The following GEMIN5 variants were observed in gnomAD, a reference collection of about 807,000 sequenced individuals.
GEMIN5 encodes gem nuclear organelle associated protein 5, also known as gem-associated protein 5.
In GEMIN5, 124 loss-of-function variants were observed where a neutral mutation model predicts 176.9. That is an observed-to-expected ratio of 0.70 (90% CI 0.61 to 0.81). The LOEUF (loss-of-function observed/expected upper bound fraction) is 0.81. Among genes scored for constraint, GEMIN5 ranks in the 40% least tolerant of loss-of-function variants. The probability of loss-of-function intolerance (pLI) is 0.00; values close to 1 mark genes in which losing one functional copy is unlikely to be tolerated. For synonymous variants in GEMIN5, 673 were observed against 665.2 expected, an observed-to-expected ratio of 1.01 and a Z score of -0.18; for missense variants, 1,843 against 1,814.6, an observed-to-expected ratio of 1.02 and a Z score of -0.28.
chr5:154,904,551 A>G lies in GEMIN5; in HGVS notation c.2588T>C (p.Leu863Pro), dbSNP rs142030424. 4 of 1,613,024 alleles carry G rather than the reference A, an allele frequency of 2.5e-6. No homozygotes were observed. Among genetic ancestry groups the G allele is most frequent in the Non-Finnish European group, 3.4e-6 (4 of 1,179,092 alleles). Residue 863 changes from leucine to proline, a missense_variant, in exon 18 of 28, where the codon CTT becomes CCT. Transcript: ENST00000285873. ...TSLDHRSKEELHQDCLVLATA... is the reference protein window; with the variant it reads ...TSLDHRSKEEPHQDCLVLATA... ...TGCTAGTACCAAACAGTCCTGATGA[A>G]GCTCCTCTTTGGATCTGTGGTCCAG... is the stretch of plus-strand genomic sequence containing the variant.
At chr5:154,894,688 C>T (rs1449840868) in intron 24 of GEMIN5, among the ~76,000 whole-genome samples, 1 of 151,572 alleles carries the variant, frequency 6.6e-6, no homozygotes, top group Non-Finnish European at 1.5e-5. Context: ...GGGCAAATCA[C>T]GAGGTCAGGA....
Position 154,905,385 on chromosome 5 carries a change from CT to C in GEMIN5, c.2486del (p.Lys829ArgfsTer11). 8.1e-6 allele frequency: 13 copies of C among 1,599,010 alleles called. No individual in the cohort carries two copies. The highest frequency in any genetic ancestry group is 1.7e-4 in the Middle Eastern group (1 of 5,998). ...AACCTGGCTTCTCTTTTGGTGGCTC[CT>C]TTTTCAGTAAAATGACTTTGTTATT... ...TINNKVILLK[K>X]EPPKEKPETL... On this transcript the variant is annotated frameshift_variant, in exon 17 of 28. Coordinates refer to ENST00000285873, the MANE Select transcript of GEMIN5 (RefSeq NM_015465.5). LOFTEE classifies it high-confidence loss of function.
intron 18 of GEMIN5, among the ~76,000 whole-genome samples, chr5:154,904,174 T>C (rs999753440): frequency 1.8e-4 from 28 of 151,984 alleles, no homozygotes; most frequent in African/African-American, 6.5e-4. Flanking sequence ...TACTGTTCAA[T>C]GGGGAAAAGA....
At chr5:154,936,684 G>A (rs1764276286) in intron 2 of GEMIN5, among the ~76,000 whole-genome samples, 1 of 152,126 alleles carries the variant, frequency 6.6e-6, no homozygotes, top group African/African-American at 2.4e-5. Flanking sequence ...AATAACCAGA[G>A]GGTAATTGTT....
chr5:154,910,622 T>C (rs1487969595), intron 15 of GEMIN5, among the ~76,000 whole-genome samples: 1 of 152,196 alleles, frequency 6.6e-6, no homozygotes, highest in African/African-American at 2.4e-5. Context: ...ATATATTTTG[T>C]CTAGCTTTCT....
At chr5:154,922,416 G>A (rs1338868069) in intron 9 of GEMIN5, among the ~76,000 whole-genome samples, 1 of 151,794 alleles carries the variant, frequency 6.6e-6, no homozygotes, top group Non-Finnish European at 1.5e-5. Flanking sequence ...ATCTGCCCGC[G>A]TCGGCCTCCC....
chr5:154,903,493 A>G (rs913750163), intron 18 of GEMIN5, among the ~76,000 whole-genome samples: 7 of 152,222 alleles, frequency 4.6e-5, no homozygotes, highest in Admixed American at 1.3e-4. Context: ...TTCAAAAAAA[A>G]AGTCAACTGA....
At chr5:154,915,875 T>C (rs1763799394) in intron 13 of GEMIN5, among the ~76,000 whole-genome samples, 1 of 151,232 alleles carries the variant, frequency 6.6e-6, no homozygotes, top group African/African-American at 2.4e-5. Context: ...ATTCCACTTC[T>C]AGAATTTTCT....
chr5:154,910,057 A>G (rs1179441479), intron 15 of GEMIN5, among the ~76,000 whole-genome samples: 1 of 151,604 alleles, frequency 6.6e-6, no homozygotes. Context: ...TCTGCTTGGC[A>G]TAATGTTTTT....
Position 154,898,657 on chromosome 5 carries a change from T to C in GEMIN5, c.3135-7A>G. 3.1e-6 allele frequency: 5 copies of C among 1,592,526 alleles called. No individual in the cohort carries two copies. The highest frequency in any genetic ancestry group is 4.3e-6 in the Non-Finnish European group (5 of 1,160,328). ...ACAAGTGGCCCCTAAATAGCTATAA[T>C]ATGAATAAAAATGTGAAGAAAATGT... On this transcript the variant is annotated splice_region_variant and splice_polypyrimidine_tract_variant and intron_variant, in intron 22 of 27. Coordinates refer to ENST00000285873, the MANE Select transcript of GEMIN5 (RefSeq NM_015465.5).
At chr5:154,914,509 CTTTTTTTT>C (rs66537820) in intron 13 of GEMIN5, among the ~76,000 whole-genome samples, 4 of 136,236 alleles carry the variant, frequency 2.9e-5, no homozygotes, top group Admixed American at 1.5e-4. Flanking sequence ...CACTATTTTA[CTTTTTTTT>C]TTTTTTTTTT....
chr5:154,891,655 C>G lies in GEMIN5; in HGVS notation c.3848G>C (p.Gly1283Ala). 1.2e-6 allele frequency: 2 copies of G among 1,612,874 alleles called. No homozygotes were observed. The highest frequency in any genetic ancestry group is 1.7e-6 in the Non-Finnish European group (2 of 1,179,754). ...FKSLEAFFLY[G>A]RLYEFWWSLS... ...AGACCACCAGAATTCATACAGACGCCCATAAAGAAAAAAGGCCTCCAAACT... is the reference window on the plus strand; with the variant it reads ...AGACCACCAGAATTCATACAGACGCGCATAAAGAAAAAAGGCCTCCAAACT... The change falls in exon 26 of 28, where the codon GGG becomes GCG. Residue 1283 changes from glycine to alanine, a missense_variant. Transcript: ENST00000285873.
Position 154,889,393 on chromosome 5 carries a change from A to C in GEMIN5, c.4287T>G (p.Leu1429=). Residue 1429 remains leucine, a synonymous_variant, in exon 27 of 28, where the codon CTT becomes CTG. Transcript: ENST00000285873. ...SQCKEEKNEP[L]SLPELTKRLT... is the part of the protein sequence containing the mutation. Reference sequence around the variant, plus strand: ...GCCTTTTGGTTAACTCAGGCAGAGAAAGTGGCTCATTTTTTTCTTCTTTAC... The same window carrying C: ...GCCTTTTGGTTAACTCAGGCAGAGACAGTGGCTCATTTTTTTCTTCTTTAC... 6.2e-7 allele frequency: 1 copy of C among 1,609,536 alleles called. No homozygotes were observed. The highest frequency in any genetic ancestry group is 8.5e-7 in the Non-Finnish European group (1 of 1,176,036).
Position 154,911,835 on chromosome 5 carries a change from A to C in GEMIN5, c.2059T>G (p.Cys687Gly), listed in dbSNP as rs1307671650. 1 of 1,614,008 alleles carries C rather than the reference A, an allele frequency of 6.2e-7. No homozygotes were observed. Among genetic ancestry groups the C allele is most frequent in the Non-Finnish European group, 8.5e-7 (1 of 1,179,866 alleles). Residue 687 changes from cysteine (C) to glycine (G), a missense_variant, in exon 15 of 28, where the codon TGT (cysteine) becomes GGT (glycine). Physicochemically the swap from Cys to Gly is radical, Grantham distance 159. Transcript: ENST00000285873. Reference protein sequence around the residue: ...NFRGHRGRLLCVAWSPLDPDC... With the variant: ...NFRGHRGRLLGVAWSPLDPDC... ...GGATCCAAAGGAGACCATGCCACAC[A>C]AAGCAGTCGACCTCGATGTCCTCGG...
At chr5:154,925,610 A>G (rs1411385573) in intron 8 of GEMIN5, among the ~76,000 whole-genome samples, 1 of 152,212 alleles carries the variant, frequency 6.6e-6, no homozygotes, top group Non-Finnish European at 1.5e-5. Flanking sequence ...ATTTTCTATG[A>G]ATATACAGTC....
chr5:154,913,818 A>G (rs1763756252), intron 13 of GEMIN5, among the ~76,000 whole-genome samples: 1 of 151,656 alleles, frequency 6.6e-6, no homozygotes. Flanking sequence ...CCCTGTCTCA[A>G]AAAAAAAGGA....
At chr5:154,934,817 GT>G (rs1433051797) in intron 3 of GEMIN5, among the ~76,000 whole-genome samples, 6 of 152,118 alleles carry the variant, frequency 3.9e-5, no homozygotes, top group African/African-American at 1.4e-4. Flanking sequence ...TAGTACATTC[GT>G]TTTCCTATTC....
intron 4 of GEMIN5, 99 bp downstream of exon 4, chr5:154,932,000 C>G: frequency 2.0e-6 from 2 of 1,002,468 alleles, no homozygotes; most frequent in Non-Finnish European, 2.9e-6. Flanking sequence ...AGCAAAACTC[C>G]GTCTCCAAAA....
chr5:154,894,403 G>C (rs552863669), intron 24 of GEMIN5, among the ~76,000 whole-genome samples: 1 of 152,312 alleles, frequency 6.6e-6, no homozygotes, highest in East Asian at 1.9e-4. Context: ...GTGGCCATCT[G>C]ATTTCATTGT....
Sources: allele counts gnomAD v4.1 joint callset (sites outside exome capture counted in the v4.1 genomes callset), GRCh38; gene constraint gnomAD v4.1.1; transcripts MANE v1.5; gene names NCBI Gene and HGNC (gene_info 2026-07-23, HGNC 2026-07-21).